The following TAFA5 variants were observed in gnomAD, a reference collection of about 807,000 sequenced individuals.
TAFA5 encodes the protein chemokine-like protein TAFA-5.
TAFA5 carries 6 observed loss-of-function variants against 15.3 expected under a neutral mutation model. The ratio of observed to expected loss-of-function variants is 0.39; its 90% CI spans 0.21 to 0.77. The LOEUF is 0.77. Ranked by LOEUF, TAFA5 falls within the 30% of genes least tolerant of loss-of-function variation. The probability of loss-of-function intolerance (pLI) is 0.41; values close to 1 mark genes in which losing one functional copy is unlikely to be tolerated. For missense variants in TAFA5, 161 were observed against 193.1 expected (o/e 0.83, Z 0.98); for synonymous variants, 103 against 80.7 (o/e 1.28, Z -1.48).
chr22:48,507,562 C>T (rs964854359), intron 1 of TAFA5, among the ~76,000 whole-genome samples: 1 of 152,202 alleles, frequency 6.6e-6, no homozygotes. Flanking sequence ...GCCCAGCACG[C>T]CTCCCCAGAG....
chr22:48,562,237 A>AGAGAATGG (rs1923256912), intron 1 of TAFA5, among the ~76,000 whole-genome samples: 2 of 151,888 alleles, frequency 1.3e-5, no homozygotes, highest in Admixed American at 6.6e-5. Flanking sequence ...TCCCGGGTTC[A>AGAGAATGG]CGCCATTCTC....
At chr22:48,492,642 G>A (rs983706386) in intron 1 of TAFA5, among the ~76,000 whole-genome samples, 1 of 150,736 alleles carries the variant, frequency 6.6e-6, no homozygotes, top group Non-Finnish European at 1.5e-5. Context: ...TCCTCCTGGG[G>A]AAGAAGTGCC....
intron 1 of TAFA5, among the ~76,000 whole-genome samples, chr22:48,629,683 A>G (rs1926144625): frequency 6.6e-6 from 1 of 152,042 alleles, no homozygotes; most frequent in African/African-American, 2.4e-5. Flanking sequence ...GGTTGTTCCA[A>G]CGTGGGATGC....
intron 2 of TAFA5, among the ~76,000 whole-genome samples, chr22:48,668,788 C>T (rs898382558): frequency 5.9e-5 from 9 of 151,948 alleles, no homozygotes; most frequent in African/African-American, 2.2e-4. Flanking sequence ...GGGCCACAGG[C>T]CGCGATCTTG....
intron 2 of TAFA5, among the ~76,000 whole-genome samples, chr22:48,649,722 A>G (rs1051961901): frequency 5.3e-5 from 8 of 151,750 alleles, no homozygotes; most frequent in African/African-American, 9.7e-5. Context: ...ACTGGAACAC[A>G]TGGTGGCCGG....
intron 2 of TAFA5, among the ~76,000 whole-genome samples, chr22:48,658,145 G>C (rs927575248): frequency 6.6e-6 from 1 of 152,064 alleles, no homozygotes; most frequent in African/African-American, 2.4e-5. Flanking sequence ...TTCAGGGAAG[G>C]GTGCATGGGG....
intron 1 of TAFA5, among the ~76,000 whole-genome samples, chr22:48,569,543 C>T (rs1433761053): frequency 1.3e-5 from 2 of 152,118 alleles, no homozygotes; most frequent in Non-Finnish European, 2.9e-5. Flanking sequence ...CCTGTGAGCA[C>T]CATGGTCCCT....
At chr22:48,626,545 T>C (rs1926031641) in intron 1 of TAFA5, among the ~76,000 whole-genome samples, 1 of 152,232 alleles carries the variant, frequency 6.6e-6, no homozygotes, top group Non-Finnish European at 1.5e-5. Context: ...TGTGCTCGTA[T>C]TGTTCAGCTT....
At chr22:48,642,477 G>A (rs547893948) in intron 1 of TAFA5, among the ~76,000 whole-genome samples, 2 of 152,260 alleles carry the variant, frequency 1.3e-5, no homozygotes, top group South Asian at 2.1e-4. Context: ...TTTGGAGCTC[G>A]TGAGCAGAGG....
chr22:48,505,283 T>G (rs1920983021), intron 1 of TAFA5, among the ~76,000 whole-genome samples: 1 of 152,194 alleles, frequency 6.6e-6, no homozygotes, highest in Admixed American at 6.5e-5. Flanking sequence ...GCTTAGCTGT[T>G]GGCCTTTGGT....
At chr22:48,642,067 G>T (rs1396690905) in intron 1 of TAFA5, among the ~76,000 whole-genome samples, 2 of 151,774 alleles carry the variant, frequency 1.3e-5, no homozygotes, top group Non-Finnish European at 2.9e-5. Flanking sequence ...GCCTGGTGGA[G>T]GGGCCTGCAC....
chr22:48,741,430 T>C (rs1449347242), intron 3 of TAFA5, among the ~76,000 whole-genome samples: 1 of 152,208 alleles, frequency 6.6e-6, no homozygotes, highest in African/African-American at 2.4e-5. Flanking sequence ...ATTTTCTGCA[T>C]GTGAACTTCA....
chr22:48,692,977 A>C (rs1388014098), intron 2 of TAFA5, among the ~76,000 whole-genome samples: 4 of 152,182 alleles, frequency 2.6e-5, no homozygotes, highest in Non-Finnish European at 4.4e-5. Context: ...TCATCTTGAG[A>C]ACAGTGTAAG....
intron 2 of TAFA5, among the ~76,000 whole-genome samples, chr22:48,687,593 G>A (rs752390564): frequency 5.9e-5 from 9 of 152,210 alleles, no homozygotes; most frequent in South Asian, 2.1e-4. Context: ...CTCAGCCTCC[G>A]TGTTAATTTT....
chr22:48,662,501 C>T (rs915003252), intron 2 of TAFA5, among the ~76,000 whole-genome samples: 40 of 151,916 alleles, frequency 2.6e-4, no homozygotes, highest in Non-Finnish European at 2.6e-4. Flanking sequence ...ATTCAAGGGC[C>T]CAGGCGGTGG....
intron 1 of TAFA5, among the ~76,000 whole-genome samples, chr22:48,562,929 G>A (rs933586283): frequency 2.0e-5 from 3 of 151,892 alleles, no homozygotes; most frequent in East Asian, 1.9e-4. Flanking sequence ...CGGGATGCCC[G>A]TCTGTGCGGA....
At chr22:48,615,902 G>A (rs1925586416) in intron 1 of TAFA5, among the ~76,000 whole-genome samples, 1 of 152,350 alleles carries the variant, frequency 6.6e-6, no homozygotes, top group South Asian at 2.1e-4. Context: ...TGGCCTAATG[G>A]TTTCCAATCC....
At chr22:48,709,626 G>A (rs1929190277) in intron 3 of TAFA5, among the ~76,000 whole-genome samples, 2 of 152,218 alleles carry the variant, frequency 1.3e-5, no homozygotes, top group African/African-American at 4.8e-5. Context: ...GTCGCCCTTT[G>A]ATGAGCCCCT....
At chr22:48,534,825 G>T (rs77674659) in intron 1 of TAFA5, among the ~76,000 whole-genome samples, 2 of 152,136 alleles carry the variant, frequency 1.3e-5, no homozygotes, top group South Asian at 4.1e-4. Context: ...GCTGGGAGCC[G>T]CAGGAGCAGC....
Sources: allele counts gnomAD v4.1 joint callset (sites outside exome capture counted in the v4.1 genomes callset), GRCh38; gene constraint gnomAD v4.1.1; transcripts MANE v1.5; gene names NCBI Gene and HGNC (gene_info 2026-07-23, HGNC 2026-07-21).